Variants in PLXDC2 observed in about 807,000 individuals in gnomAD.
The protein encoded by PLXDC2 is plexin domain containing 2.
A neutral mutation model predicts 68.9 loss-of-function variants in PLXDC2; 40 were observed. That is an observed-to-expected ratio of 0.58 (90% CI 0.45 to 0.76). The LOEUF (loss-of-function observed/expected upper bound fraction) is 0.76. Among genes scored for constraint, PLXDC2 ranks in the 30% least tolerant of loss-of-function variants. The probability of loss-of-function intolerance (pLI) is 0.00; values close to 1 mark genes in which losing one functional copy is unlikely to be tolerated. For synonymous variants in PLXDC2, 243 were observed against 234.2 expected (o/e 1.04, Z -0.34); for missense variants, 644 against 661.9 (o/e 0.97, Z 0.30).
intron 2 of PLXDC2, among the ~76,000 whole-genome samples, chr10:20,040,247 A>G (rs1835659618): frequency 6.6e-6 from 1 of 152,092 alleles, no homozygotes; most frequent in South Asian, 2.1e-4. Context: ...ACCACTCGCC[A>G]GTTTCCCAAT....
chr10:19,909,261 C>A (rs1833223829), intron 1 of PLXDC2, among the ~76,000 whole-genome samples: 1 of 152,184 alleles, frequency 6.6e-6, no homozygotes, highest in Non-Finnish European at 1.5e-5. Context: ...CACACTCACA[C>A]ACAGATGAGA....
At chr10:20,011,921 G>A (rs565289190) in intron 2 of PLXDC2, among the ~76,000 whole-genome samples, 6 of 152,308 alleles carry the variant, frequency 3.9e-5, no homozygotes, top group Admixed American at 3.9e-4. Context: ...ACAAATTAAT[G>A]TGTACTCAAC....
At chr10:20,185,498 G>A (rs1220123534) in intron 9 of PLXDC2, among the ~76,000 whole-genome samples, 1 of 151,920 alleles carries the variant, frequency 6.6e-6, no homozygotes, top group Non-Finnish European at 1.5e-5. Context: ...AGATTGAAAG[G>A]AGAGAATTAG....
At position 19,949,457 on chromosome 10, in the gene PLXDC2, A is replaced by G. The variant is rs570816932; in HGVS notation, c.113-52318A>G. On this transcript the variant is annotated intron_variant, in intron 1 of 13. Coordinates refer to ENST00000377252, the MANE Select transcript of PLXDC2 (RefSeq NM_032812.9). ...AATACATGAGGCTGGATGCAGTGAA[A>G]AACTAAAACTACTAATAGGAATAGG... 9.8e-5 allele frequency among the ~76,000 whole-genome samples: 15 copies of G among 152,322 alleles called. No individual in the cohort carries two copies. The East Asian group carries it at 2.1e-3, about 22-fold the overall frequency.
At chr10:19,855,824 G>A (rs999991478) in intron 1 of PLXDC2, among the ~76,000 whole-genome samples, 4 of 152,164 alleles carry the variant, frequency 2.6e-5, no homozygotes, top group Non-Finnish European at 5.9e-5. Flanking sequence ...GGTGGCTCAC[G>A]CCTGTAATCC....
At chr10:19,839,260 T>C (rs1836859900) in intron 1 of PLXDC2, among the ~76,000 whole-genome samples, 1 of 152,004 alleles carries the variant, frequency 6.6e-6, no homozygotes, top group Non-Finnish European at 1.5e-5. Flanking sequence ...CTAGAAAGCT[T>C]GTCCAACCCA....
At chr10:19,884,820 C>A (rs1258557272) in intron 1 of PLXDC2, among the ~76,000 whole-genome samples, 2 of 152,120 alleles carry the variant, frequency 1.3e-5, no homozygotes, top group Non-Finnish European at 2.9e-5. Flanking sequence ...TATATGTGTG[C>A]ATGTGTCTTT....
chr10:20,101,963 G>T (rs118136613), intron 4 of PLXDC2, among the ~76,000 whole-genome samples: 1 of 151,466 alleles, frequency 6.6e-6, no homozygotes. Context: ...CACCATGCCC[G>T]GCTAATTTTT....
At position 20,285,338 on chromosome 10, in the gene PLXDC2, C is replaced by G. The variant is rs1317342312; in HGVS notation, c.*5519C>G. The G allele has an allele frequency of 1.3e-5, 2 of 152,116 alleles. No individual in the cohort carries two copies. The highest frequency in any genetic ancestry group is 6.6e-5 in the Admixed American group (1 of 15,264). 9.4% of individuals were successfully genotyped at this position (152,116 alleles called of 1,614,324 possible). A position where few individuals can be genotyped will look rare whatever the true frequency, so the allele number is the denominator to read the frequency against. On this transcript the variant is annotated 3_prime_UTR_variant, in exon 14 of 14. Transcript: ENST00000377252. ...ATATTTATTGAACACCTACTGGAAC[C>G]AAGTGACTGTGCTAGTAACTTGTGA...
At chr10:20,139,863 G>T (rs988804613) in intron 4 of PLXDC2, among the ~76,000 whole-genome samples, 3 of 151,834 alleles carry the variant, frequency 2.0e-5, no homozygotes, top group Non-Finnish European at 2.9e-5. Context: ...AGGGGGTGGG[G>T]GGCTTCGGGA....
rs1554846745 is a variant in PLXDC2, at chr10:19,937,544, G to GTATGTA, written c.113-64228_113-64227insGTATAT. Among the ~76,000 whole-genome samples, 3 of 95,980 alleles carry GTATGTA rather than the reference G, an allele frequency of 3.1e-5. No homozygotes were observed. In the South Asian group the frequency reaches 1.2e-3, roughly 38 times the overall value. 63.0% of individuals were successfully genotyped at this position (95,980 alleles called of 152,430 possible). A position where few individuals can be genotyped will look rare whatever the true frequency, so the allele number is the denominator to read the frequency against. ...GAATACATATCACATTATAGTCAAT[G>GTATGTA]TATATATATATATATATATATATAT... On this transcript the variant is annotated intron_variant, in intron 1 of 13. Transcript: ENST00000377252.
In PLXDC2 at chr10:20,246,665, A is replaced by G. The variant is rs1042090546; in HGVS notation, c.1473+1160A>G. On this transcript the variant is annotated intron_variant, in intron 13 of 13. Transcript: ENST00000377252. ...GTGCCTGGCCACATGTGCACCTTTG[A>G]CTCTAACATCTAAATGGAACCACTC... Among the ~76,000 whole-genome samples the G allele has an allele frequency of 7.9e-5, 12 of 152,136 alleles. No homozygotes were observed. The East Asian group carries it at 1.9e-3, about 25-fold the overall frequency.
chr10:19,910,091 A>G (rs1163520048), intron 1 of PLXDC2, among the ~76,000 whole-genome samples: 3 of 151,962 alleles, frequency 2.0e-5, no homozygotes, highest in Admixed American at 6.6e-5. Context: ...TGAAGTCACC[A>G]TTGTGTAACA....
At chr10:19,847,592 A>G (rs1469060402) in intron 1 of PLXDC2, among the ~76,000 whole-genome samples, 1 of 152,188 alleles carries the variant, frequency 6.6e-6, no homozygotes, top group East Asian at 1.9e-4. Context: ...AACCTTAACA[A>G]GCCTCCGGGA....
chr10:19,896,840 CT>C (rs1427496460), intron 1 of PLXDC2, among the ~76,000 whole-genome samples: 3 of 152,144 alleles, frequency 2.0e-5, no homozygotes. Context: ...TCAGTGAAGT[CT>C]TTCCTGAGCA....
chr10:19,843,347 C>G (rs768197074), intron 1 of PLXDC2, among the ~76,000 whole-genome samples: 11 of 151,850 alleles, frequency 7.2e-5, no homozygotes, highest in Non-Finnish European at 1.0e-4. Flanking sequence ...TCGATTTATT[C>G]TCATGTTCTT....
chr10:19,994,640 C>T (rs548842816), intron 1 of PLXDC2, among the ~76,000 whole-genome samples: 2 of 152,170 alleles, frequency 1.3e-5, no homozygotes, highest in South Asian at 4.2e-4. Flanking sequence ...TGAGCCACTG[C>T]ACTCAGTTTA....
At chr10:20,058,046 T>C (rs1300081590) in intron 3 of PLXDC2, among the ~76,000 whole-genome samples, 1 of 152,194 alleles carries the variant, frequency 6.6e-6, no homozygotes, top group Non-Finnish European at 1.5e-5. Flanking sequence ...AGAATTAAAA[T>C]TGAACTTGGT....
chr10:20,232,316 A>T (rs530380368), intron 12 of PLXDC2, among the ~76,000 whole-genome samples: 5 of 152,270 alleles, frequency 3.3e-5, no homozygotes, highest in Non-Finnish European at 5.9e-5. Context: ...GCAGTTTCTT[A>T]TAAAGTTCTG....
Sources: gnomAD v4.1 joint callset for allele counts (sites outside exome capture counted in the v4.1 genomes callset) on GRCh38, gnomAD v4.1.1 for gene constraint, MANE v1.5 for transcripts, NCBI Gene and HGNC (gene_info 2026-07-23, HGNC 2026-07-21) for gene names.